Variants in MCTP1 observed in about 807,000 individuals in gnomAD.
The protein encoded by MCTP1 is multiple C2 and transmembrane domain containing 1, also known as multiple C2 and transmembrane domain-containing protein 1.
A neutral mutation model predicts 120.6 loss-of-function variants in MCTP1; 69 were observed. That is an observed-to-expected ratio of 0.57 (90% CI 0.47 to 0.70). The LOEUF (loss-of-function observed/expected upper bound fraction) is 0.70, where lower values mean the gene tolerates loss of function less well. MCTP1 is among the 30% of genes least tolerant of loss of function. MCTP1 has a pLI of 0.00. For synonymous variants in MCTP1, 529 were observed against 493.1 expected (o/e 1.07, Z -0.96); for missense variants, 1,203 against 1,248.8 (o/e 0.96, Z 0.55).
chr5:95,101,182 T>A (rs941530200), intron 1 of MCTP1, among the ~76,000 whole-genome samples: 1 of 152,034 alleles, frequency 6.6e-6, no homozygotes, highest in Non-Finnish European at 1.5e-5. Context: ...TGCAAAAGAA[T>A]TTCAGCTAGT....
At chr5:95,036,993 T>G (rs181092735) in intron 1 of MCTP1, among the ~76,000 whole-genome samples, 191 of 152,320 alleles carry the variant, frequency 1.3e-3, no homozygotes, top group African/African-American at 4.1e-3. Context: ...AGAAAGATGT[T>G]TGGATACATT....
chr5:95,099,872 C>G (rs1013943875), intron 1 of MCTP1, among the ~76,000 whole-genome samples: 4 of 149,864 alleles, frequency 2.7e-5, no homozygotes, highest in African/African-American at 4.9e-5. Context: ...TGGAACCAAC[C>G]CAAATGTCCA....
At chr5:95,177,569 C>T (rs959998475) in intron 1 of MCTP1, among the ~76,000 whole-genome samples, 10 of 152,216 alleles carry the variant, frequency 6.6e-5, no homozygotes, top group African/African-American at 1.4e-4. Context: ...TATCACTGAG[C>T]GACAAGAAAC....
intron 1 of MCTP1, among the ~76,000 whole-genome samples, chr5:95,070,200 C>T (rs1206440130): frequency 1.3e-5 from 2 of 152,204 alleles, no homozygotes; most frequent in Non-Finnish European, 2.9e-5. Context: ...CCTACTAGGC[C>T]AAAGTCCCAG....
chr5:94,991,835 C>T (rs763315096), intron 2 of MCTP1, among the ~76,000 whole-genome samples: 1 of 151,800 alleles, frequency 6.6e-6, no homozygotes, highest in African/African-American at 2.4e-5. Flanking sequence ...CGAGATCACA[C>T]CATTGCACTC....
At chr5:94,760,275 T>A (rs140242600) in intron 19 of MCTP1, among the ~76,000 whole-genome samples, 1 of 152,158 alleles carries the variant, frequency 6.6e-6, no homozygotes, top group Non-Finnish European at 1.5e-5. Flanking sequence ...ATTCAGAAAC[T>A]ATATGACTCT....
At chr5:94,972,110 C>A (rs892232568) in intron 2 of MCTP1, among the ~76,000 whole-genome samples, 6 of 152,122 alleles carry the variant, frequency 3.9e-5, no homozygotes, top group Non-Finnish European at 8.8e-5. Context: ...TAATGGAATT[C>A]TCTCCATCAT....
intron 1 of MCTP1, among the ~76,000 whole-genome samples, chr5:95,280,054 T>TA (rs1476976210): frequency 6.6e-6 from 1 of 152,228 alleles, no homozygotes; most frequent in Non-Finnish European, 1.5e-5. Context: ...GAAGTCATAG[T>TA]AAAAACATCT....
At chr5:95,191,422 A>G (rs1749817498) in intron 1 of MCTP1, among the ~76,000 whole-genome samples, 1 of 152,042 alleles carries the variant, frequency 6.6e-6, no homozygotes, top group Non-Finnish European at 1.5e-5. Context: ...GTATATTACA[A>G]TCTATAGTTA....
chr5:94,832,609 A>AACACACACACACACAC (rs59233492), intron 17 of MCTP1, among the ~76,000 whole-genome samples: 2 of 147,124 alleles, frequency 1.4e-5, no homozygotes, highest in African/African-American at 5.0e-5. Context: ...GGGCTAGCTG[A>AACACACACACACACAC]ACACACACAC....
At chr5:94,812,414 GAACCA>G (rs1438894313) in intron 17 of MCTP1, among the ~76,000 whole-genome samples, 1 of 135,830 alleles carries the variant, frequency 7.4e-6, no homozygotes, top group Non-Finnish European at 1.6e-5. Context: ...GTGTAAACAT[GAACCA>G]AAAGGTGGTG....
At chr5:95,065,898 T>A (rs1387330323) in intron 1 of MCTP1, among the ~76,000 whole-genome samples, 12 of 152,136 alleles carry the variant, frequency 7.9e-5, no homozygotes. Flanking sequence ...GACTGGAAAT[T>A]CCAAACTACT....
At chr5:95,248,743 G>A (rs1394873364) in intron 1 of MCTP1, among the ~76,000 whole-genome samples, 1 of 152,146 alleles carries the variant, frequency 6.6e-6, no homozygotes, top group Admixed American at 6.6e-5. Context: ...CAAAGCTGGA[G>A]GCATCACGCT....
intron 18 of MCTP1, among the ~76,000 whole-genome samples, chr5:94,795,887 T>C (rs1779897162): frequency 6.6e-6 from 1 of 152,188 alleles, no homozygotes; most frequent in African/African-American, 2.4e-5. Context: ...GCTGCAAAAC[T>C]TATTCAGCAA....
chr5:95,090,808 C>CAG (rs567356339), intron 1 of MCTP1, among the ~76,000 whole-genome samples: 102 of 152,272 alleles, frequency 6.7e-4, no homozygotes, highest in African/African-American at 2.3e-3. Flanking sequence ...TATCCCTAGT[C>CAG]AGAGTGCTCC....
intron 2 of MCTP1, 118 bp from the exon 3 acceptor site, chr5:94,953,479 T>C (rs1037043887): frequency 9.9e-5 from 71 of 717,196 alleles, no homozygotes; most frequent in East Asian, 1.6e-4. Flanking sequence ...AAATTATCTA[T>C]GCAGAAATAA....
At chr5:94,719,882 C>A (rs1760457839) in intron 19 of MCTP1, among the ~76,000 whole-genome samples, 1 of 152,140 alleles carries the variant, frequency 6.6e-6, no homozygotes. Context: ...GTAATCCCAG[C>A]ACTTTGGGAG....
chr5:94,984,663 C>T (rs2114193), intron 2 of MCTP1, among the ~76,000 whole-genome samples: 10,226 of 152,128 alleles, frequency 0.067, 1,129 homozygotes, highest in African/African-American at 0.23. Context: ...GGACACATGA[C>T]CTTAGAAAAT....
chr5:94,855,147 A>G (rs904424555), intron 17 of MCTP1, among the ~76,000 whole-genome samples: 1 of 151,854 alleles, frequency 6.6e-6, no homozygotes, highest in Admixed American at 6.6e-5. Context: ...CGGAAATATA[A>G]TGGTTACATA....
Sources: gnomAD v4.1 joint callset for allele counts (sites outside exome capture counted in the v4.1 genomes callset) on GRCh38, gnomAD v4.1.1 for gene constraint, MANE v1.5 for transcripts, NCBI Gene and HGNC (gene_info 2026-07-23, HGNC 2026-07-21) for gene names.